NOX4: variants seen among roughly 807,000 people sequenced by gnomAD.
NOX4 encodes the protein NADPH oxidase 4.
Under a neutral mutation model 87.6 loss-of-function variants are expected in NOX4, and 69 were observed. That is an observed-to-expected ratio of 0.79 (90% CI 0.65 to 0.96). The LOEUF (loss-of-function observed/expected upper bound fraction) is 0.96. Among genes scored for constraint, NOX4 ranks in the 40% least tolerant of loss-of-function variants. NOX4 has a pLI of 0.00. For missense variants in NOX4, 680 were observed against 681.5 expected (o/e 1.00, Z 0.02); for synonymous variants, 275 against 238.2 (o/e 1.15, Z -1.42).
intron 1 of NOX4, chr11:89,497,869 T>C (rs1946975176): frequency 6.6e-6 from 1 of 152,242 alleles, no homozygotes. Context: ...TATTTCACAC[T>C]GACAGTTTCT....
At chr11:89,338,163 A>G (rs1362096302) in intron 15 of NOX4, among the ~76,000 whole-genome samples, 1 of 152,232 alleles carries the variant, frequency 6.6e-6, no homozygotes, top group East Asian at 1.9e-4. Flanking sequence ...ATTTTTAGCA[A>G]GGATGCATAT....
intron 17 of NOX4, among the ~76,000 whole-genome samples, chr11:89,330,994 A>G (rs1281269712): frequency 6.6e-6 from 1 of 152,026 alleles, no homozygotes; most frequent in East Asian, 1.9e-4. Flanking sequence ...ATTGGAACTA[A>G]TTGGCATTTG....
intron 5 of NOX4, among the ~76,000 whole-genome samples, chr11:89,441,899 C>A (rs911561543): frequency 2.0e-4 from 30 of 149,194 alleles, no homozygotes; most frequent in Non-Finnish European, 3.8e-4. Context: ...TATATTGGCA[C>A]AAAACCATCT....
chr11:89,396,443 T>C (rs1261693484), intron 11 of NOX4, among the ~76,000 whole-genome samples: 5 of 152,148 alleles, frequency 3.3e-5, no homozygotes, highest in African/African-American at 1.2e-4. Flanking sequence ...AATCATGTTA[T>C]CTGCAAACAG....
chr11:89,558,111 G>A, the NOX4 span, among the ~76,000 whole-genome samples: 15 of 152,056 alleles, frequency 9.9e-5, no homozygotes, highest in Non-Finnish European at 1.9e-4. Context: ...TGTACCCTGA[G>A]TATGAGCACC....
At position 89,364,238 on chromosome 11, in the gene NOX4, C is replaced by A. The variant is rs1181261481; in HGVS notation, c.1135+9194G>T. On this transcript the variant is annotated intron_variant, in intron 12 of 17. Transcript: ENST00000263317. Reference sequence around the variant, plus strand: ...CACCAGCCTAGGTGACAGAGTGAGACCCTGTCTCTCTCTCTCTTTCTCTCT... The same window carrying A: ...CACCAGCCTAGGTGACAGAGTGAGAACCTGTCTCTCTCTCTCTTTCTCTCT... 3.3e-5 allele frequency among the ~76,000 whole-genome samples: 5 copies of A among 151,926 alleles called. No individual in the cohort carries two copies. The South Asian group carries it at 6.2e-4, about 19-fold the overall frequency.
chr11:89,421,294 T>C (rs111305100), intron 8 of NOX4, among the ~76,000 whole-genome samples: 3 of 152,314 alleles, frequency 2.0e-5, no homozygotes, highest in African/African-American at 7.2e-5. Flanking sequence ...TCTATCTTCA[T>C]GTATTGTTTT....
intron 6 of NOX4, among the ~76,000 whole-genome samples, chr11:89,436,372 G>A (rs76916726): frequency 0.022 from 3,370 of 152,184 alleles, 131 homozygotes; most frequent in African/African-American, 0.077. Flanking sequence ...TGAAAACACC[G>A]GCTGGAAATC....
At chr11:89,401,513 T>C (rs1941853972) in intron 9 of NOX4, among the ~76,000 whole-genome samples, 1 of 152,132 alleles carries the variant, frequency 6.6e-6, no homozygotes, top group African/African-American at 2.4e-5. Flanking sequence ...CTCTTTCTTC[T>C]CTTCCAATAG....
intron 7 of NOX4, among the ~76,000 whole-genome samples, chr11:89,427,667 G>A (rs1943514538): frequency 6.6e-6 from 1 of 152,102 alleles, no homozygotes; most frequent in Admixed American, 6.6e-5. Context: ...AGAGTTTAGA[G>A]AGAAAAGAGT....
At chr11:89,484,250 T>C (rs1474330727) in intron 2 of NOX4, among the ~76,000 whole-genome samples, 1 of 152,146 alleles carries the variant, frequency 6.6e-6, no homozygotes, top group Non-Finnish European at 1.5e-5. Flanking sequence ...CATTTAGCTA[T>C]ATATCACAAC....
intron 8 of NOX4, 92 bp downstream of exon 8, chr11:89,421,810 T>C: frequency 1.5e-6 from 1 of 683,054 alleles, no homozygotes; most frequent in South Asian, 1.9e-5. Flanking sequence ...TTGACACTTT[T>C]ACCACCTCCT....
chr11:89,426,874 G>C lies in NOX4; in HGVS notation c.549-4892C>G, dbSNP rs577864122. ...CTGTCTGACAGCTTTGAAGAGAGTA[G>C]TGGTTCTCCCAGCATGGAATTTGAG... On this transcript the variant is annotated intron_variant, in intron 7 of 17. Transcript: ENST00000263317. 2.0e-5 allele frequency among the ~76,000 whole-genome samples: 3 copies of C among 152,234 alleles called. No individual in the cohort carries two copies. In the South Asian group the frequency reaches 6.2e-4, roughly 32 times the overall value.
At chr11:89,567,796 G>A in the NOX4 span, among the ~76,000 whole-genome samples, 2 of 152,302 alleles carry the variant, frequency 1.3e-5, no homozygotes, top group South Asian at 4.1e-4. Flanking sequence ...TACCACAGAT[G>A]CATGCATGTG....
intron 2 of NOX4, among the ~76,000 whole-genome samples, chr11:89,483,021 C>T (rs372255281): frequency 6.0e-4 from 92 of 152,082 alleles, no homozygotes; most frequent in South Asian, 5.0e-3. Context: ...AGAAAGTTAC[C>T]GAACCACTCA....
At chr11:89,403,222 C>A (rs1246879772) in intron 8 of NOX4, among the ~76,000 whole-genome samples, 1 of 152,118 alleles carries the variant, frequency 6.6e-6, no homozygotes, top group Non-Finnish European at 1.5e-5. Flanking sequence ...CAAGACAAAC[C>A]ATTCAACTTT....
chr11:89,365,763 A>AAAAAAAAAC (rs1356350937), intron 12 of NOX4, among the ~76,000 whole-genome samples: 4 of 151,170 alleles, frequency 2.6e-5, no homozygotes, highest in African/African-American at 9.7e-5. Context: ...CAAAAAAAAA[A>AAAAAAAAAC]AAAAAAAAAA....
At chr11:89,469,254 T>C (rs1945828919) in intron 2 of NOX4, among the ~76,000 whole-genome samples, 3 of 152,160 alleles carry the variant, frequency 2.0e-5, no homozygotes, top group Admixed American at 1.3e-4. Flanking sequence ...CACTAAACTA[T>C]TGTTCAAAGG....
chr11:89,385,111 C>T (rs1940598237), intron 11 of NOX4, among the ~76,000 whole-genome samples: 1 of 152,204 alleles, frequency 6.6e-6, no homozygotes, highest in Admixed American at 6.5e-5. Flanking sequence ...AGCCCTCACT[C>T]TTGCAAAGTG....
Sources: gnomAD v4.1 joint callset for allele counts (sites outside exome capture counted in the v4.1 genomes callset) on GRCh38, gnomAD v4.1.1 for gene constraint, MANE v1.5 for transcripts, NCBI Gene and HGNC (gene_info 2026-07-23, HGNC 2026-07-21) for gene names.